The following APBB2 variants were observed in gnomAD, a reference collection of about 807,000 sequenced individuals.
The protein encoded by APBB2 is Fe65-like 1.
A neutral mutation model predicts 82.5 loss-of-function variants in APBB2; 38 were observed. That is an observed-to-expected ratio of 0.46 (90% confidence interval 0.36 to 0.60). APBB2 has a LOEUF of 0.60. Among genes scored for constraint, APBB2 ranks in the 20% least tolerant of loss-of-function variants. The pLI, the probability that APBB2 is intolerant of heterozygous loss-of-function variation, is 0.00. For synonymous variants in APBB2, 341 were observed against 368.2 expected, an observed-to-expected ratio of 0.93 and a Z score of 0.85; for missense variants, 772 against 972.3, an observed-to-expected ratio of 0.79 and a Z score of 2.74.
At chr4:40,983,674 T>TA (rs1350249763) in intron 6 of APBB2, among the ~76,000 whole-genome samples, 1 of 152,130 alleles carries the variant, frequency 6.6e-6, no homozygotes, top group Non-Finnish European at 1.5e-5. Flanking sequence ...ACATCCTGCA[T>TA]TTAAGCAATT....
rs1385664519 is a variant in APBB2 at position 41,059,097 on chromosome 4, G to A, written c.-51+6479C>T. ...ACCAACAAGAAATCAAAATTTAAAC[G>A]GCTCCCACCTAGAGGTATGGCATCC... On this transcript the variant is annotated intron_variant, in intron 4 of 17. Transcript: ENST00000508593. Among the ~76,000 whole-genome samples the A allele has an allele frequency of 3.3e-5, 5 of 151,964 alleles. No individual in the cohort carries two copies. The South Asian group carries it at 6.2e-4, about 19-fold the overall frequency.
chr4:40,998,948 C>T (rs112206539), intron 6 of APBB2, among the ~76,000 whole-genome samples: 6 of 152,060 alleles, frequency 3.9e-5, no homozygotes, highest in African/African-American at 1.4e-4. Flanking sequence ...GATTTTATTG[C>T]GCTACCGAGA....
intron 6 of APBB2, among the ~76,000 whole-genome samples, chr4:40,997,349 C>T (rs748602409): frequency 2.6e-5 from 4 of 152,208 alleles, no homozygotes; most frequent in Non-Finnish European, 5.9e-5. Context: ...AACATTAACA[C>T]TTTACCCCAC....
At chr4:41,174,781 A>G (rs1769310087) in intron 1 of APBB2, among the ~76,000 whole-genome samples, 1 of 152,222 alleles carries the variant, frequency 6.6e-6, no homozygotes, top group Admixed American at 6.5e-5. Context: ...AGTCAACTGC[A>G]GTACGAAAGT....
chr4:41,030,528 T>A (rs1377655738), intron 5 of APBB2, among the ~76,000 whole-genome samples: 1 of 152,130 alleles, frequency 6.6e-6, no homozygotes, highest in Non-Finnish European at 1.5e-5. Flanking sequence ...GACTCCCAAG[T>A]AGCTGGAGCT....
At chr4:40,836,155 G>C (rs540380127) in intron 12 of APBB2, among the ~76,000 whole-genome samples, 92 of 152,238 alleles carry the variant, frequency 6.0e-4, no homozygotes, top group Middle Eastern at 3.4e-3. Context: ...GGTGAAGTCG[G>C]GGGAGCAGGT....
intron 3 of APBB2, among the ~76,000 whole-genome samples, chr4:41,096,646 C>T (rs1743566599): frequency 6.6e-6 from 1 of 152,124 alleles, no homozygotes; most frequent in South Asian, 2.1e-4. Flanking sequence ...CCTAATTTAA[C>T]TTAAAAAGTA....
intron 2 of APBB2, among the ~76,000 whole-genome samples, chr4:41,119,244 G>C (rs781572247): frequency 6.6e-6 from 1 of 151,660 alleles, no homozygotes; most frequent in South Asian, 2.1e-4. Flanking sequence ...TAGTCCTATC[G>C]TCTTTAACAA....
At chr4:40,987,247 T>G (rs1261123037) in intron 6 of APBB2, among the ~76,000 whole-genome samples, 1 of 152,250 alleles carries the variant, frequency 6.6e-6, no homozygotes, top group East Asian at 1.9e-4. Flanking sequence ...AAATTTCTTT[T>G]ATTACTCAGA....
At chr4:40,958,907 TA>T in intron 6 of APBB2, among the ~76,000 whole-genome samples, 1 of 152,330 alleles carries the variant, frequency 6.6e-6, no homozygotes, top group East Asian at 1.9e-4. Flanking sequence ...CACTCAGCCT[TA>T]ATTTTTTATA....
At chr4:41,112,935 C>T (rs1000519030) in intron 2 of APBB2, among the ~76,000 whole-genome samples, 3 of 151,594 alleles carry the variant, frequency 2.0e-5, no homozygotes, top group Non-Finnish European at 2.9e-5. Flanking sequence ...TGCAGTGAGC[C>T]GAGATTGCAC....
At chr4:40,923,810 G>A (rs1029037638) in intron 10 of APBB2, among the ~76,000 whole-genome samples, 10 of 152,212 alleles carry the variant, frequency 6.6e-5, no homozygotes, top group East Asian at 5.8e-4. Context: ...ACTCACACAC[G>A]GCTGCCAATT....
At chr4:41,092,082 A>T (rs932134026) in intron 3 of APBB2, among the ~76,000 whole-genome samples, 1 of 152,220 alleles carries the variant, frequency 6.6e-6, no homozygotes, top group African/African-American at 2.4e-5. Flanking sequence ...ATCAAAATCT[A>T]ATTTGCCAAA....
At chr4:41,147,291 G>A (rs539170902) in intron 1 of APBB2, among the ~76,000 whole-genome samples, 2 of 152,240 alleles carry the variant, frequency 1.3e-5, no homozygotes, top group Non-Finnish European at 2.9e-5. Flanking sequence ...GCTTACTGAA[G>A]TCACCAAGTT....
At chr4:40,916,173 A>G (rs548116012) in intron 10 of APBB2, among the ~76,000 whole-genome samples, 4 of 152,320 alleles carry the variant, frequency 2.6e-5, no homozygotes, top group Admixed American at 6.5e-5. Context: ...ATGAATTCCT[A>G]CGGGGAGGAA....
At chr4:41,028,081 G>T (rs1715183796) in intron 5 of APBB2, among the ~76,000 whole-genome samples, 1 of 152,158 alleles carries the variant, frequency 6.6e-6, no homozygotes, top group African/African-American at 2.4e-5. Flanking sequence ...CTCCTTTTCT[G>T]TTAAAAGCCT....
At chr4:41,042,717 T>A (rs73809454) in intron 4 of APBB2, among the ~76,000 whole-genome samples, 9,346 of 152,192 alleles carry the variant, frequency 0.061, 963 homozygotes, top group African/African-American at 0.21. Context: ...ATCAAACACA[T>A]GAAAGAACAC....
intron 1 of APBB2, among the ~76,000 whole-genome samples, chr4:41,206,082 A>G (rs1232075531): frequency 1.3e-5 from 2 of 152,172 alleles, no homozygotes; most frequent in Non-Finnish European, 1.5e-5. Context: ...AATGTTCCCC[A>G]GTGAGCAAAA....
chr4:41,098,103 C>G (rs997144700), intron 3 of APBB2, among the ~76,000 whole-genome samples: 2 of 151,598 alleles, frequency 1.3e-5, no homozygotes, highest in Non-Finnish European at 2.9e-5. Flanking sequence ...GCATTATAAC[C>G]TTCTCTTTTT....
Sources: allele counts gnomAD v4.1 joint callset (sites outside exome capture counted in the v4.1 genomes callset), GRCh38; gene constraint gnomAD v4.1.1; transcripts MANE v1.5; gene names NCBI Gene and HGNC (gene_info 2026-07-23, HGNC 2026-07-21).